FRS2: variants seen among roughly 807,000 people sequenced by gnomAD.
FRS2 encodes fibroblast growth factor receptor substrate 2.
FRS2 carries 8 observed loss-of-function variants against 43.9 expected under a neutral mutation model. The observed-to-expected ratio is 0.18, with a 90% CI of 0.11 to 0.33. The LOEUF is 0.33. Among genes scored for constraint, FRS2 ranks in the 10% least tolerant of loss-of-function variants. The probability of loss-of-function intolerance (pLI) is 1.00; values close to 1 mark genes in which losing one functional copy is unlikely to be tolerated. For missense variants in FRS2, 534 were observed against 627.6 expected (o/e 0.85, Z 1.59); for synonymous variants, 219 against 220.3 (o/e 0.99, Z 0.05).
At chr12:69,474,028 A>G (rs1870541857) in intron 1 of FRS2, among the ~76,000 whole-genome samples, 3 of 152,038 alleles carry the variant, frequency 2.0e-5, no homozygotes, top group Admixed American at 2.0e-4. Flanking sequence ...TTTTTAGTAG[A>G]GACGGGGTTT....
In FRS2 at chr12:69,571,522, A is replaced by G. The variant is rs1880756535; in HGVS notation, c.412+88A>G. The G allele has an allele frequency of 5.9e-6, 6 of 1,017,666 alleles. No individual in the cohort carries two copies. The South Asian group carries it at 8.2e-5, about 14-fold the overall frequency. The allele number at this position is 1,017,666 out of a possible 1,614,324, so 63.0% of individuals were successfully genotyped here. ...GTGGGTATTTAATCAATAACACACT[A>G]GAAATCACCACTGGATAACAGAAGT... On this transcript the variant is annotated intron_variant, in intron 7 of 8. Transcript: ENST00000549921.
rs1244503762 is a variant in FRS2, at chr12:69,577,356, TTTAGAA to T, written c.*2403_*2408del. 2.0e-5 allele frequency: 3 copies of T among 152,264 alleles called. No homozygotes were observed. Among genetic ancestry groups the T allele is most frequent in the African/African-American group, 7.2e-5 (3 of 41,580 alleles). The allele number at this position is 152,264 out of a possible 1,614,324, so 9.4% of individuals were successfully genotyped here. ...TGTGTTCCTATTTAATAAAAGGTAA[TTTAGAA>T]TACTACTTGTCCTTTGCAGTAGTTT... On this transcript the variant is annotated 3_prime_UTR_variant, in exon 9 of 9. Transcript: ENST00000549921.
intron 3 of FRS2, among the ~76,000 whole-genome samples, chr12:69,557,370 A>T (rs1292774599): frequency 6.6e-6 from 1 of 152,192 alleles, no homozygotes; most frequent in African/African-American, 2.4e-5. Context: ...TTTCAGAGTT[A>T]ATGATAATCG....
intron 1 of FRS2, among the ~76,000 whole-genome samples, chr12:69,471,253 T>C (rs1337686918): frequency 6.6e-6 from 1 of 152,108 alleles, no homozygotes; most frequent in African/African-American, 2.4e-5. Flanking sequence ...CCGCCTTTTT[T>C]TGCAGACATA....
chr12:69,556,823 A>G (rs1879397185), intron 3 of FRS2, among the ~76,000 whole-genome samples: 3 of 152,220 alleles, frequency 2.0e-5, no homozygotes, highest in African/African-American at 7.2e-5. Flanking sequence ...TTGTTGTTTT[A>G]AAAAATAAAG....
intron 3 of FRS2, among the ~76,000 whole-genome samples, chr12:69,553,594 G>GA (rs758732151): frequency 6.5e-4 from 95 of 145,302 alleles, no homozygotes; most frequent in Middle Eastern, 3.6e-3. Flanking sequence ...AAAGTATCAG[G>GA]AAAAAAAAAA....
At chr12:69,483,465 C>A (rs1399139780) in intron 1 of FRS2, among the ~76,000 whole-genome samples, 1 of 152,072 alleles carries the variant, frequency 6.6e-6, no homozygotes, top group Non-Finnish European at 1.5e-5. Flanking sequence ...TGTTTTAATT[C>A]ATAAAGTGAA....
At chr12:69,496,714 T>G (rs182339950) in intron 1 of FRS2, among the ~76,000 whole-genome samples, 26 of 152,376 alleles carry the variant, frequency 1.7e-4, no homozygotes, top group Non-Finnish European at 3.5e-4. Flanking sequence ...TGTAGCTTTT[T>G]GCCTAAGGTA....
At chr12:69,473,452 A>T (rs968433797) in intron 1 of FRS2, among the ~76,000 whole-genome samples, 5 of 152,308 alleles carry the variant, frequency 3.3e-5, no homozygotes, top group Non-Finnish European at 5.9e-5. Flanking sequence ...ATGTGAGCAG[A>T]AGTGTGGAGG....
chr12:69,475,088 A>T (rs973906912), intron 1 of FRS2, among the ~76,000 whole-genome samples: 1 of 152,216 alleles, frequency 6.6e-6, no homozygotes, highest in African/African-American at 2.4e-5. Flanking sequence ...AGAACTGTAA[A>T]TTTATAGAAT....
At chr12:69,492,612 G>A (rs888944489) in intron 1 of FRS2, among the ~76,000 whole-genome samples, 1 of 152,176 alleles carries the variant, frequency 6.6e-6, no homozygotes, top group African/African-American at 2.4e-5. Flanking sequence ...AGTGGTTACT[G>A]TTGAAGTCAC....
intron 1 of FRS2, among the ~76,000 whole-genome samples, chr12:69,514,206 A>G (rs1276203491): frequency 6.6e-6 from 1 of 152,176 alleles, no homozygotes; most frequent in African/African-American, 2.4e-5. Flanking sequence ...TGAGGGTTGG[A>G]GAACCAGATT....
chr12:69,530,254 A>G (rs13377922), intron 1 of FRS2, among the ~76,000 whole-genome samples: 1 of 151,932 alleles, frequency 6.6e-6, no homozygotes, highest in Admixed American at 6.6e-5. Context: ...GTACTATATT[A>G]GGGCTACCAT....
At chr12:69,563,944 T>A (rs1330042862) in intron 4 of FRS2, among the ~76,000 whole-genome samples, 1 of 152,136 alleles carries the variant, frequency 6.6e-6, no homozygotes, top group Non-Finnish European at 1.5e-5. Context: ...CAATTAGCCC[T>A]TCTCTTTTCT....
At chr12:69,535,078 G>A (rs1877147161) in intron 3 of FRS2, among the ~76,000 whole-genome samples, 1 of 152,168 alleles carries the variant, frequency 6.6e-6, no homozygotes, top group Non-Finnish European at 1.5e-5. Flanking sequence ...CTAAAAATGT[G>A]TTGTCTACTT....
intron 1 of FRS2, among the ~76,000 whole-genome samples, chr12:69,529,735 T>C (rs1245205746): frequency 5.3e-5 from 8 of 152,270 alleles, no homozygotes; most frequent in African/African-American, 1.9e-4. Flanking sequence ...TGAACACTTA[T>C]AGCATGGAAT....
intron 1 of FRS2, among the ~76,000 whole-genome samples, chr12:69,490,553 T>A (rs1358884812): frequency 6.6e-6 from 1 of 152,130 alleles, no homozygotes; most frequent in Non-Finnish European, 1.5e-5. Flanking sequence ...TTACAAAATA[T>A]TTCTGGTGTA....
At chr12:69,488,445 G>A (rs773147849) in intron 1 of FRS2, among the ~76,000 whole-genome samples, 2 of 152,088 alleles carry the variant, frequency 1.3e-5, no homozygotes, top group Non-Finnish European at 2.9e-5. Context: ...AGGTATGTGC[G>A]TTTTTTTAAA....
intron 3 of FRS2, among the ~76,000 whole-genome samples, chr12:69,534,058 A>G (rs1877054072): frequency 6.6e-6 from 1 of 152,160 alleles, no homozygotes; most frequent in Non-Finnish European, 1.5e-5. Flanking sequence ...GGAATATGGA[A>G]ATGCAGATTG....
Sources: allele counts gnomAD v4.1 joint callset (sites outside exome capture counted in the v4.1 genomes callset), GRCh38; gene constraint gnomAD v4.1.1; transcripts MANE v1.5; gene names NCBI Gene and HGNC (gene_info 2026-07-23, HGNC 2026-07-21).